Variants in PPM1H observed in about 807,000 individuals in gnomAD.
The protein encoded by PPM1H is protein phosphatase 1H.
PPM1H carries 27 observed loss-of-function variants against 54.9 expected under a neutral mutation model. The observed-to-expected ratio is 0.49, with a 90% CI of 0.36 to 0.68. The LOEUF is 0.68. Ranked by LOEUF, PPM1H falls within the 30% of genes least tolerant of loss-of-function variation. PPM1H has a pLI of 0.00. For missense variants in PPM1H, 596 were observed against 667.8 expected (o/e 0.89, Z 1.19); for synonymous variants, 305 against 270.8 (o/e 1.13, Z -1.24).
At chr12:62,849,708 C>T (rs1185404682) in intron 1 of PPM1H, among the ~76,000 whole-genome samples, 2 of 152,164 alleles carry the variant, frequency 1.3e-5, no homozygotes, top group African/African-American at 4.8e-5. Flanking sequence ...ACTCTCCCCT[C>T]CCAGAGGAAG....
chr12:62,868,464 C>T (rs1398349818), intron 1 of PPM1H, among the ~76,000 whole-genome samples: 1 of 152,108 alleles, frequency 6.6e-6, no homozygotes, highest in Non-Finnish European at 1.5e-5. Flanking sequence ...CACACTTGCC[C>T]CTCCCCCAAA....
At chr12:62,864,166 C>T (rs1434931866) in intron 1 of PPM1H, among the ~76,000 whole-genome samples, 4 of 152,152 alleles carry the variant, frequency 2.6e-5, no homozygotes, top group African/African-American at 9.7e-5. Flanking sequence ...CAAGACAGCC[C>T]TCGACAACAA....
intron 2 of PPM1H, among the ~76,000 whole-genome samples, chr12:62,828,242 C>T (rs1868311579): frequency 6.6e-6 from 1 of 152,190 alleles, no homozygotes; most frequent in South Asian, 2.1e-4. Flanking sequence ...AAGCCAAAGT[C>T]TTGACAGTGA....
intron 2 of PPM1H, among the ~76,000 whole-genome samples, chr12:62,802,738 C>G (rs1387121309): frequency 6.6e-6 from 1 of 152,060 alleles, no homozygotes; most frequent in Non-Finnish European, 1.5e-5. Context: ...TGCCACCACA[C>G]CAGGCTAATT....
intron 4 of PPM1H, among the ~76,000 whole-genome samples, chr12:62,739,975 A>G (rs961302931): frequency 9.2e-5 from 14 of 152,160 alleles, no homozygotes; most frequent in Non-Finnish European, 1.9e-4. Context: ...GGTTCTCCCA[A>G]TGTCAGTTAC....
At chr12:62,894,962 C>T (rs1433993303) in intron 1 of PPM1H, among the ~76,000 whole-genome samples, 1 of 152,214 alleles carries the variant, frequency 6.6e-6, no homozygotes, top group Non-Finnish European at 1.5e-5. Context: ...AGTATATCTG[C>T]ATAATTGTTT....
At chr12:62,756,006 G>T in intron 4 of PPM1H, 1 of 1,386,548 alleles carries the variant, frequency 7.2e-7, no homozygotes, top group Non-Finnish European at 1.0e-6. Context: ...ACATCAAGAA[G>T]GTGGTGAAGC....
At position 62,887,123 on chromosome 12, in the gene PPM1H, C is replaced by T. The variant is rs144266550; in HGVS notation, c.245+47369G>A. Among the ~76,000 whole-genome samples the T allele has an allele frequency of 6.2e-3, 946 of 152,242 alleles. 11 individuals carry two copies. Among genetic ancestry groups the T allele is most frequent in the African/African-American group, 0.022 (912 of 41,542 alleles). On this transcript the variant is annotated intron_variant, in intron 1 of 9. Coordinates refer to ENST00000228705, the MANE Select transcript of PPM1H (RefSeq NM_020700.2). Reference sequence around the variant, plus strand: ...CTGGATGTGGAGAAAGAGGGAGGTGCCATGTTTCTCACCGGCTGAGACAGA... The same window carrying T: ...CTGGATGTGGAGAAAGAGGGAGGTGTCATGTTTCTCACCGGCTGAGACAGA...
intron 6 of PPM1H, among the ~76,000 whole-genome samples, chr12:62,715,313 C>T (rs1047941353): frequency 5.3e-5 from 8 of 152,022 alleles, no homozygotes; most frequent in Non-Finnish European, 7.4e-5. Flanking sequence ...TGACACCATG[C>T]GCAGGAGGTG....
intron 2 of PPM1H, among the ~76,000 whole-genome samples, chr12:62,812,516 G>T (rs575073756): frequency 6.6e-6 from 1 of 152,126 alleles, no homozygotes; most frequent in East Asian, 1.9e-4. Context: ...CAGTTTTCCA[G>T]TTGCACTCTA....
Position 62,802,082 on chromosome 12 carries a change from G to C in PPM1H, c.490C>G (p.Arg164Gly), listed in dbSNP as rs767806980. 1.9e-6 allele frequency: 3 copies of C among 1,612,074 alleles called. No homozygotes were observed. The highest frequency in any genetic ancestry group is 2.5e-6 in the Non-Finnish European group (3 of 1,179,100). Residue 164 changes from arginine to glycine, a missense_variant, in exon 3 of 10, where the codon CGC becomes GGC. Arg to Gly is a moderately radical substitution (Grantham distance 125). Around this residue, in one of 3 missense-constraint regions of PPM1H, gnomAD observed 382 missense variants for 387.1 expected, o/e 0.99. Coordinates refer to ENST00000228705, the MANE Select transcript of PPM1H (RefSeq NM_020700.2). The part of the protein sequence containing the change: ...AGSGAAVVAS[R>G]LLQHHITEQL... ...TCCGTGATGTGGTGCTGCAGCAGGC[G>C]TGACGCCACCACCGCGGCCCCGGAC...
intron 2 of PPM1H, among the ~76,000 whole-genome samples, chr12:62,824,660 C>G (rs945467414): frequency 6.6e-6 from 1 of 152,138 alleles, no homozygotes; most frequent in African/African-American, 2.4e-5. Flanking sequence ...AAAGGATTCC[C>G]TATTTAATAA....
At chr12:62,889,501 TA>T (rs1870708687) in intron 1 of PPM1H, among the ~76,000 whole-genome samples, 1 of 151,822 alleles carries the variant, frequency 6.6e-6, no homozygotes, top group Non-Finnish European at 1.5e-5. Context: ...TAAAAAAATT[TA>T]AAAAATATAT....
At chr12:62,821,113 T>C (rs2120814378) in intron 2 of PPM1H, among the ~76,000 whole-genome samples, 1 of 152,198 alleles carries the variant, frequency 6.6e-6, no homozygotes, top group African/African-American at 2.4e-5. Context: ...GCAAGAGAAC[T>C]ACGTAACGCA....
chr12:62,673,627 T>C (rs952182345), intron 8 of PPM1H, among the ~76,000 whole-genome samples: 3 of 150,330 alleles, frequency 2.0e-5, no homozygotes, highest in Non-Finnish European at 4.4e-5. Context: ...ACTGGCTTTG[T>C]GGAAGAGAAA....
At chr12:62,695,929 G>A (rs1396077763) in intron 6 of PPM1H, among the ~76,000 whole-genome samples, 1 of 152,188 alleles carries the variant, frequency 6.6e-6, no homozygotes, top group Non-Finnish European at 1.5e-5. Flanking sequence ...GGATGCAGCA[G>A]TGGAGACCAG....
At chr12:62,890,940 C>T (rs942409624) in intron 1 of PPM1H, among the ~76,000 whole-genome samples, 2 of 151,798 alleles carry the variant, frequency 1.3e-5, no homozygotes, top group African/African-American at 4.8e-5. Context: ...GAAATCCCAT[C>T]TCTACTCAAA....
At chr12:62,732,598 G>GTC (rs1350118942) in intron 5 of PPM1H, among the ~76,000 whole-genome samples, 1 of 148,298 alleles carries the variant, frequency 6.7e-6, no homozygotes, top group Non-Finnish European at 1.5e-5. Context: ...TTGAGACAGA[G>GTC]TCTCTCTCTG....
chr12:62,822,236 G>A (rs907259171), intron 2 of PPM1H, among the ~76,000 whole-genome samples: 1 of 152,150 alleles, frequency 6.6e-6, no homozygotes, highest in African/African-American at 2.4e-5. Flanking sequence ...CCCAATACAG[G>A]AGCACCCAGA....
Sources: allele counts gnomAD v4.1 joint callset (sites outside exome capture counted in the v4.1 genomes callset), GRCh38; gene constraint gnomAD v4.1.1; regional missense constraint gnomAD v4.1.1; transcripts MANE v1.5; gene names NCBI Gene and HGNC (gene_info 2026-07-23, HGNC 2026-07-21).